KLHL32: variants seen among roughly 807,000 people sequenced by gnomAD.
KLHL32 encodes the protein kelch-like protein 32.
Under a neutral mutation model 64.8 loss-of-function variants are expected in KLHL32, and 35 were observed. That is an observed-to-expected ratio of 0.54 (90% CI 0.41 to 0.72). The LOEUF (loss-of-function observed/expected upper bound fraction) is 0.72, where lower values mean the gene tolerates loss of function less well. Ranked by LOEUF, KLHL32 falls within the 30% of genes least tolerant of loss-of-function variation. The pLI is 0.00. For missense variants in KLHL32, 589 were observed against 768.5 expected (o/e 0.77, Z 2.76); for synonymous variants, 259 against 281.0 (o/e 0.92, Z 0.78).
chr6:97,013,394 C>G (rs1780671166), intron 3 of KLHL32, among the ~76,000 whole-genome samples: 2 of 152,070 alleles, frequency 1.3e-5, no homozygotes, highest in Non-Finnish European at 2.9e-5. Flanking sequence ...GAGAATGGTA[C>G]CTGTTTTGTT....
chr6:97,072,433 A>G (rs1424105349), intron 5 of KLHL32, among the ~76,000 whole-genome samples: 1 of 152,150 alleles, frequency 6.6e-6, no homozygotes, highest in Admixed American at 6.5e-5. Flanking sequence ...TCACAACCTG[A>G]TCATGTCATA....
chr6:96,998,134 A>C (rs1778618758), intron 3 of KLHL32, among the ~76,000 whole-genome samples: 1 of 152,226 alleles, frequency 6.6e-6, no homozygotes, highest in Admixed American at 6.5e-5. Flanking sequence ...CCTCCAGTAT[A>C]CTTCCAGTAA....
chr6:97,069,992 G>A (rs1467302959), intron 5 of KLHL32, among the ~76,000 whole-genome samples: 1 of 151,744 alleles, frequency 6.6e-6, no homozygotes, highest in Admixed American at 6.6e-5. Flanking sequence ...ATAATATATA[G>A]TGGGTGTTCT....
intron 4 of KLHL32, among the ~76,000 whole-genome samples, chr6:97,046,515 T>A (rs1258699371): frequency 6.6e-6 from 1 of 152,210 alleles, no homozygotes; most frequent in Non-Finnish European, 1.5e-5. Flanking sequence ...TTCAAGTCAG[T>A]CCATGAGGGC....
chr6:96,929,613 C>G (rs907899358), intron 1 of KLHL32, among the ~76,000 whole-genome samples: 2 of 152,182 alleles, frequency 1.3e-5, no homozygotes, highest in African/African-American at 4.8e-5. Flanking sequence ...CCAGGCCCTT[C>G]TTGTCAAGAT....
chr6:97,014,251 C>T (rs1336208625), intron 3 of KLHL32, among the ~76,000 whole-genome samples: 1 of 150,862 alleles, frequency 6.6e-6, no homozygotes, highest in South Asian at 2.1e-4. Flanking sequence ...GCCGAAATCG[C>T]GCCACTGCAC....
chr6:97,004,055 A>G (rs1282905761), intron 3 of KLHL32, among the ~76,000 whole-genome samples: 1 of 152,152 alleles, frequency 6.6e-6, no homozygotes, highest in African/African-American at 2.4e-5. Flanking sequence ...CACTGAATTT[A>G]TATGTTGCTT....
At chr6:97,077,111 T>G (rs1791716433) in intron 5 of KLHL32, among the ~76,000 whole-genome samples, 2 of 152,022 alleles carry the variant, frequency 1.3e-5, no homozygotes. Flanking sequence ...GTCAAACAAA[T>G]GATACAAATA....
intron 4 of KLHL32, among the ~76,000 whole-genome samples, chr6:97,050,938 G>A (rs1373659582): frequency 1.3e-5 from 2 of 152,170 alleles, no homozygotes; most frequent in African/African-American, 2.4e-5. Flanking sequence ...GGGAAGTGGA[G>A]GCTGCAGTGA....
At chr6:97,015,805 G>A (rs1188310536) in intron 3 of KLHL32, among the ~76,000 whole-genome samples, 1 of 152,188 alleles carries the variant, frequency 6.6e-6, no homozygotes, top group Non-Finnish European at 1.5e-5. Flanking sequence ...CAGAGGCATG[G>A]AGGCCTAGGA....
intron 1 of KLHL32, among the ~76,000 whole-genome samples, chr6:96,953,677 A>C (rs1284535927): frequency 6.6e-6 from 1 of 151,944 alleles, no homozygotes; most frequent in African/African-American, 2.4e-5. Flanking sequence ...CCCTAAAATC[A>C]CGCCATCATA....
At chr6:96,941,548 T>C (rs1771289247) in intron 1 of KLHL32, among the ~76,000 whole-genome samples, 1 of 152,194 alleles carries the variant, frequency 6.6e-6, no homozygotes, top group South Asian at 2.1e-4. Context: ...ATTGATATTA[T>C]TAAGCAGAAG....
intron 3 of KLHL32, among the ~76,000 whole-genome samples, chr6:97,023,730 T>C (rs1243327496): frequency 2.0e-5 from 3 of 152,202 alleles, no homozygotes; most frequent in African/African-American, 7.2e-5. Context: ...TAGTTCTACA[T>C]GGATAGTATC....
At chr6:97,063,346 A>G (rs1377785713) in intron 4 of KLHL32, among the ~76,000 whole-genome samples, 1 of 152,212 alleles carries the variant, frequency 6.6e-6, no homozygotes, top group Non-Finnish European at 1.5e-5. Flanking sequence ...AGAGTCAAGA[A>G]TGACCCTGAG....
At chr6:97,009,492 A>G (rs954072204) in intron 3 of KLHL32, among the ~76,000 whole-genome samples, 29 of 152,156 alleles carry the variant, frequency 1.9e-4, no homozygotes, top group Non-Finnish European at 2.9e-5. Flanking sequence ...TTTGCAATAG[A>G]GCACTTGTAT....
Position 97,085,151 on chromosome 6 carries a change from A to G in KLHL32, c.437A>G (p.Asp146Gly), listed in dbSNP as rs12662753. 8.1e-4 allele frequency: 1,311 copies of G among 1,613,668 alleles called. 10 individuals are homozygous for G. The East Asian group carries it at 0.015, about 18-fold the overall frequency. The change falls in exon 6 of 11, where the codon GAT (aspartate) becomes GGT (glycine). Residue 146 changes from aspartate to glycine, a missense_variant. Coordinates refer to ENST00000369261, the MANE Select transcript of KLHL32 (RefSeq NM_052904.4). The part of the protein sequence containing the change: ...IQELNSFNYL[D>G]LYRLADLFNL... Reference sequence around the variant, plus strand: ...GAATTAAATAGCTTTAATTACTTGGATCTGTACAGACTTGCTGACCTCTTT... The same window carrying G: ...GAATTAAATAGCTTTAATTACTTGGGTCTGTACAGACTTGCTGACCTCTTT...
At chr6:97,103,268 C>T (rs1252114696) in intron 6 of KLHL32, among the ~76,000 whole-genome samples, 2 of 146,284 alleles carry the variant, frequency 1.4e-5, no homozygotes, top group African/African-American at 5.1e-5. Flanking sequence ...GGCTGGAGTG[C>T]AGTGGTGCGA....
chr6:96,911,817 G>A, the KLHL32 span, among the ~76,000 whole-genome samples: 4 of 72,112 alleles, frequency 5.5e-5, no homozygotes, highest in South Asian at 4.4e-4. Flanking sequence ...CTCCCTGCTC[G>A]GTCCTTCTTT....
intron 4 of KLHL32, among the ~76,000 whole-genome samples, chr6:97,059,398 A>G (rs1788513026): frequency 6.6e-6 from 1 of 152,226 alleles, no homozygotes; most frequent in Admixed American, 6.5e-5. Context: ...ACAAGCCTCA[A>G]AAGTTTGAAT....
Sources: gnomAD v4.1 joint callset for allele counts (sites outside exome capture counted in the v4.1 genomes callset) on GRCh38, gnomAD v4.1.1 for gene constraint, MANE v1.5 for transcripts, NCBI Gene and HGNC (gene_info 2026-07-23, HGNC 2026-07-21) for gene names.